The following FAT1 variants were observed in gnomAD, a reference collection of about 807,000 sequenced individuals.
FAT1 encodes FAT atypical cadherin 1.
A neutral mutation model predicts 329.8 loss-of-function variants in FAT1; 171 were observed. That is an observed-to-expected ratio of 0.52 (90% CI 0.46 to 0.59). The LOEUF (loss-of-function observed/expected upper bound fraction) is 0.59. FAT1 is among the 20% of genes least tolerant of loss of function. FAT1 has a pLI of 0.00. For missense variants in FAT1, 5,672 were observed against 5,774.4 expected (o/e 0.98, Z 0.57); for synonymous variants, 2,233 against 2,228.6 (o/e 1.00, Z -0.06).
intron 9 of FAT1, among the ~76,000 whole-genome samples, chr4:186,627,129 C>A (rs1290256490): frequency 1.1e-5 from 1 of 91,204 alleles, no homozygotes; most frequent in African/African-American, 5.6e-5. Flanking sequence ...CAACATGGCA[C>A]CTGGCACATA....
chr4:186,610,613 ATTATATAAATATAAATTATATAAT>A (rs1739366419), intron 14 of FAT1, among the ~76,000 whole-genome samples: 2 of 127,838 alleles, frequency 1.6e-5, no homozygotes, highest in Admixed American at 9.1e-5. Context: ...ATTTATATAA[ATTATATAAATATAAATTATATAAT>A]TTATATAATT....
At chr4:186,651,372 T>C (rs933149930) in intron 3 of FAT1, among the ~76,000 whole-genome samples, 3 of 152,082 alleles carry the variant, frequency 2.0e-5, no homozygotes, top group African/African-American at 7.2e-5. Context: ...TCCTGAGAGC[T>C]GTACAATGGG....
In FAT1 at chr4:186,603,658, G is replaced by A. The variant is rs184690159; in HGVS notation, c.10868C>T (p.Thr3623Met). The A allele has an allele frequency of 1.9e-5, 30 of 1,613,978 alleles. No homozygotes were observed. The highest frequency in any genetic ancestry group is 1.6e-4 in the East Asian group (7 of 44,880). ...GATATGCACTGTGATGTCGGCCACCGTCGTGAACTTCCCATCTGTTACGCT... is the reference window on the plus strand; with the variant it reads ...GATATGCACTGTGATGTCGGCCACCATCGTGAACTTCCCATCTGTTACGCT... ...NVSVTDGKFT[T>M]VADITVHIRQ... Residue 3623 changes from threonine (T) to methionine (M), a missense_variant, in exon 19 of 27, where the codon ACG becomes ATG. By Grantham distance (81) the Thr-to-Met change is moderately conservative (BLOSUM62 -1). Transcript: ENST00000441802.
intron 4 of FAT1, among the ~76,000 whole-genome samples, chr4:186,638,196 T>C (rs1214157877): frequency 2.0e-5 from 3 of 152,228 alleles, no homozygotes; most frequent in Non-Finnish European, 4.4e-5. Flanking sequence ...ACACTAATTA[T>C]GTATGTTGAA....
chr4:186,617,160 T>C lies in FAT1; in HGVS notation c.8920A>G (p.Asn2974Asp). 1 of 1,613,462 alleles carries C rather than the reference T, an allele frequency of 6.2e-7. No homozygotes were observed. Reference sequence around the variant, plus strand: ...TTCTTCACATATACCTTCCATTCATTCTGTATAGTTTCAACGGCAAACTGT... The same window carrying C: ...TTCTTCACATATACCTTCCATTCATCCTGTATAGTTTCAACGGCAAACTGT... ...LGQFAVETIQ[N>D]EWKVYVKKPL... is the part of the protein sequence containing the mutation. Residue 2974 changes from asparagine to aspartate, a missense_variant, in exon 11 of 27, where the codon AAT (asparagine) becomes GAT (aspartate). By Grantham distance (23) the Asn-to-Asp change is conservative (BLOSUM62 1). This residue lies in a region of FAT1 where 3,966 missense variants were observed against 3,915.2 expected (regional missense o/e 1.01). Coordinates refer to ENST00000441802, the MANE Select transcript of FAT1 (RefSeq NM_005245.4).
chr4:186,720,734 T>C (rs1220444183), intron 1 of FAT1, among the ~76,000 whole-genome samples: 4 of 152,222 alleles, frequency 2.6e-5, no homozygotes, highest in Admixed American at 2.6e-4. Context: ...GCACTAGATG[T>C]TGTGTCTGGC....
chr4:186,714,216 G>A (rs975095768), intron 1 of FAT1, among the ~76,000 whole-genome samples: 13 of 152,072 alleles, frequency 8.5e-5, no homozygotes, highest in Admixed American at 4.6e-4. Flanking sequence ...CGTGTGGGCT[G>A]GGGCACAACG....
At chr4:186,662,014 G>GC (rs1191274229) in intron 3 of FAT1, among the ~76,000 whole-genome samples, 25 of 63,178 alleles carry the variant, frequency 4.0e-4, no homozygotes, top group African/African-American at 1.5e-3. Flanking sequence ...CCTCCCCCCC[G>GC]CCCCCCGGCC....
intron 1 of FAT1, among the ~76,000 whole-genome samples, chr4:186,715,426 C>T: frequency 6.6e-6 from 1 of 152,220 alleles, no homozygotes; most frequent in East Asian, 1.9e-4. Flanking sequence ...TAACAGAATG[C>T]TACTGTGAGT....
intron 2 of FAT1, among the ~76,000 whole-genome samples, chr4:186,695,357 G>A (rs1310406631): frequency 6.6e-6 from 1 of 152,170 alleles, no homozygotes; most frequent in African/African-American, 2.4e-5. Context: ...TCACAAAGGA[G>A]GCTGCTCCTA....
chr4:186,633,662 G>A (rs746362453), intron 7 of FAT1, 22 bp downstream of exon 7: 3 of 1,613,484 alleles, frequency 1.9e-6, no homozygotes, highest in Non-Finnish European at 2.5e-6. Context: ...TCTGACAAGT[G>A]TGTCATTAGT....
chr4:186,678,602 T>G (rs1379911455), intron 2 of FAT1, among the ~76,000 whole-genome samples: 1 of 148,690 alleles, frequency 6.7e-6, no homozygotes, highest in Non-Finnish European at 1.5e-5. Context: ...ATTATTGATA[T>G]TATGTATTAT....
Position 186,639,782 on chromosome 4 carries a change from A to G in FAT1, c.3582T>C (p.Gly1194=), listed in dbSNP as rs2126571527. The change falls in exon 4 of 27, where the codon GGT becomes GGC. Residue 1194 remains glycine (G), a splice_region_variant and synonymous_variant. Coordinates refer to ENST00000441802, the MANE Select transcript of FAT1 (RefSeq NM_005245.4). The part of the protein sequence containing the change: ...QGFFSIHPKT[G]LITTTSRKLD... ...GCTTCCTTGACGTAGTTGTGATGAG[A>G]CCTGTAAAATGATAACAGTTCATTA... 1 of 1,611,504 alleles carries G rather than the reference A, an allele frequency of 6.2e-7. No homozygotes were observed. Among genetic ancestry groups the G allele is most frequent in the Non-Finnish European group, 8.5e-7 (1 of 1,178,068 alleles).
intron 2 of FAT1, among the ~76,000 whole-genome samples, chr4:186,680,667 A>C (rs566968571): frequency 6.6e-6 from 1 of 152,324 alleles, no homozygotes; most frequent in Non-Finnish European, 1.5e-5. Context: ...CAAGAGTTAA[A>C]AGAGAGCAGT....
intron 2 of FAT1, among the ~76,000 whole-genome samples, chr4:186,677,474 C>G (rs1000169160): frequency 4.0e-5 from 6 of 149,402 alleles, no homozygotes; most frequent in Admixed American, 4.0e-4. Context: ...CCATAACTCC[C>G]GTTTTCTAAA....
chr4:186,609,230 G>C lies in FAT1; in HGVS notation c.10159C>G (p.Pro3387Ala), dbSNP rs1484647081. The change falls in exon 16 of 27, where the codon CCC becomes GCC. Residue 3387 changes from proline (P) to alanine (A), a missense_variant. Transcript: ENST00000441802. ...GNQGSSFTID[P>A]VRGEVKVTKL... ...GTCACTTTGACTTCTCCCCTGACGG[G>C]GTCAATTGTGAACGAGCTTCCTTGG... is the stretch of plus-strand genomic sequence containing the variant. 2 of 1,613,816 alleles carry C rather than the reference G, an allele frequency of 1.2e-6. No individual in the cohort carries two copies. The highest frequency in any genetic ancestry group is 2.2e-5 in the East Asian group (1 of 44,896).
At position 186,619,286 on chromosome 4, in the gene FAT1, C is replaced by A. The variant is rs1290985572; in HGVS notation, c.7300G>T (p.Asp2434Tyr). The A allele has an allele frequency of 1.9e-6, 3 of 1,613,986 alleles. No homozygotes were observed. Among genetic ancestry groups the A allele is most frequent in the East Asian group, 4.5e-5 (2 of 44,880 alleles). The stretch of plus-strand genomic sequence containing the variant: ...CTGTCAATGACAAAATGTTTATGAT[C>A]ATTGCCAGACAGAATGGAATACTGC... Reference protein sequence around the residue: ...KLQYSILSGNDHKHFVIDSAT... With the variant: ...KLQYSILSGNYHKHFVIDSAT... The change falls in exon 10 of 27, where the codon GAT (aspartate) becomes TAT (tyrosine). Residue 2434 changes from aspartate (D) to tyrosine (Y), a missense_variant. Transcript: ENST00000441802.
At position 186,639,725 on chromosome 4, in the gene FAT1, T is replaced by C; in HGVS notation, c.3639A>G (p.Leu1213=). ...LDREQQDEHI[L]EVTVTDNGSP... ...TAAAGATAAAAAAAAAACTTACCTC[T>C]AATATGTGTTCATCTTGCTGTTCTC... is the stretch of plus-strand genomic sequence containing the variant. The change falls in exon 4 of 27, where the codon TTA becomes TTG. Residue 1213 remains leucine (L), a synonymous_variant. Coordinates refer to ENST00000441802, the MANE Select transcript of FAT1 (RefSeq NM_005245.4). The C allele has an allele frequency of 6.2e-7, 1 of 1,608,826 alleles. No homozygotes were observed. The highest frequency in any genetic ancestry group is 2.2e-5 in the East Asian group (1 of 44,838).
rs2126389397 is a variant in FAT1, at chr4:186,596,752, T to G, written c.12788A>C (p.Asp4263Ala). ...PISYTPSIPSDSRNNLDRNSF... is the reference protein window; with the variant it reads ...PISYTPSIPSASRNNLDRNSF... Reference sequence around the variant, plus strand: ...ATTTCGGTCCAGATTGTTTCTTGAGTCACTTGGAATACTCGGGGTGTAGGA... The same window carrying G: ...ATTTCGGTCCAGATTGTTTCTTGAGGCACTTGGAATACTCGGGGTGTAGGA... Residue 4263 changes from aspartate to alanine, a missense_variant, in exon 25 of 27, where the codon GAC becomes GCC. Asp to Ala is a moderately radical substitution (Grantham distance 126). This residue lies in a region of FAT1 where 1,706 missense variants were observed against 1,859.1 expected (regional missense o/e 0.92). Transcript: ENST00000441802. The surrounding 1 kb of genome is among the most constrained non-coding windows in gnomAD (Gnocchi z 4.7). 6.2e-7 allele frequency: 1 copy of G among 1,613,928 alleles called. No individual in the cohort carries two copies.
Sources: gnomAD v4.1 joint callset for allele counts (sites outside exome capture counted in the v4.1 genomes callset) on GRCh38, gnomAD v4.1.1 for gene constraint, gnomAD v4.1.1 regional missense constraint, Gnocchi (gnomAD v3.1) non-coding constraint, MANE v1.5 for transcripts, NCBI Gene and HGNC (gene_info 2026-07-23, HGNC 2026-07-21) for gene names.